The following CCDC146 variants were observed in gnomAD, a reference collection of about 807,000 sequenced individuals.
CCDC146 encodes the protein coiled-coil domain containing 146, also known as coiled-coil domain-containing protein 146.
In CCDC146, 92 loss-of-function variants were observed where a neutral mutation model predicts 119.3. That is an observed-to-expected ratio of 0.77 (90% confidence interval 0.65 to 0.92). The LOEUF (loss-of-function observed/expected upper bound fraction) is 0.92. CCDC146 is among the 40% of genes least tolerant of loss of function. The pLI is 0.00. For synonymous variants in CCDC146, 372 were observed against 371.8 expected (o/e 1.00, Z -0.01); for missense variants, 1,000 against 1,103.0 (o/e 0.91, Z 1.32).
intron 14 of CCDC146, among the ~76,000 whole-genome samples, chr7:77,281,441 C>T (rs1793763006): frequency 6.6e-6 from 1 of 152,212 alleles, no homozygotes. Flanking sequence ...TCAGCAGTTT[C>T]TCCCAAGTTA....
At chr7:77,289,896 A>C (rs1418418275) in intron 17 of CCDC146, among the ~76,000 whole-genome samples, 1 of 152,256 alleles carries the variant, frequency 6.6e-6, no homozygotes, top group Non-Finnish European at 1.5e-5. Flanking sequence ...TACTGGGTAT[A>C]TACCCAAAGG....
chr7:77,207,012 A>T (rs1163501385), intron 2 of CCDC146, among the ~76,000 whole-genome samples: 1 of 152,086 alleles, frequency 6.6e-6, no homozygotes, highest in Non-Finnish European at 1.5e-5. Flanking sequence ...AAGATTCTTA[A>T]CTTTATCTTA....
At chr7:77,181,480 C>A (rs1236847304) in intron 2 of CCDC146, among the ~76,000 whole-genome samples, 2 of 152,168 alleles carry the variant, frequency 1.3e-5, no homozygotes, top group African/African-American at 4.8e-5. Flanking sequence ...AAGGTGTATG[C>A]AGGCCGCGTA....
At chr7:77,146,349 G>A (rs1056145910) in intron 1 of CCDC146, among the ~76,000 whole-genome samples, 1 of 152,030 alleles carries the variant, frequency 6.6e-6, no homozygotes, top group African/African-American at 2.4e-5. Context: ...GCACACCGAT[G>A]AGTCTTGACT....
chr7:77,292,999 GGCTCTTGTT>G lies in CCDC146; in HGVS notation c.2467_2475del (p.Leu823_Ala825del). The stretch of plus-strand genomic sequence containing the variant: ...TCAAAAATGCAACTGAGAAAATGAT[GGCTCTTGTT>G]GCTGAGCTGTCCATGAAACAAGCCC... On this transcript the variant is annotated inframe_deletion, in exon 18 of 19. Coordinates refer to ENST00000285871, the MANE Select transcript of CCDC146 (RefSeq NM_020879.3). The G allele has an allele frequency of 1.9e-6, 3 of 1,613,878 alleles. No individual in the cohort carries two copies. The highest frequency in any genetic ancestry group is 2.5e-6 in the Non-Finnish European group (3 of 1,179,920).
rs558141028 is a variant in CCDC146, at chr7:77,164,113, T to G, written c.-11-3545T>G. 1.1e-4 allele frequency among the ~76,000 whole-genome samples: 17 copies of G among 152,220 alleles called. No homozygotes were observed. The East Asian group carries it at 1.9e-3, about 17-fold the overall frequency. ...CCTGATCTCAGGTAATCCACCTGCC[T>G]CCGTCTCCCAAAGTGCTGAGATTAC... On this transcript the variant is annotated intron_variant, in intron 1 of 18. Transcript: ENST00000285871.
intron 1 of CCDC146, among the ~76,000 whole-genome samples, chr7:77,162,190 C>A (rs998942346): frequency 2.0e-5 from 3 of 152,088 alleles, no homozygotes; most frequent in Admixed American, 6.5e-5. Context: ...GTTGCCCATG[C>A]TTTTGGTGTC....
chr7:77,158,168 G>A (rs907950881), intron 1 of CCDC146, among the ~76,000 whole-genome samples: 2 of 152,056 alleles, frequency 1.3e-5, no homozygotes, highest in Admixed American at 6.5e-5. Context: ...CTCAGCTTAT[G>A]TGACAGAGAA....
chr7:77,264,099 G>A (rs1219899785), intron 9 of CCDC146, among the ~76,000 whole-genome samples: 1 of 151,642 alleles, frequency 6.6e-6, no homozygotes, highest in Non-Finnish European at 1.5e-5. Flanking sequence ...TCATTTTATT[G>A]CAATTCCAAC....
intron 2 of CCDC146, among the ~76,000 whole-genome samples, chr7:77,216,624 C>G (rs1792305943): frequency 6.6e-6 from 1 of 152,130 alleles, no homozygotes; most frequent in African/African-American, 2.4e-5. Context: ...GATAACTCCT[C>G]TCTTAGAATC....
chr7:77,218,276 T>C (rs1453041430), intron 2 of CCDC146, among the ~76,000 whole-genome samples: 1 of 150,434 alleles, frequency 6.6e-6, no homozygotes, highest in African/African-American at 2.4e-5. Context: ...ATTTATAAGG[T>C]TATAATTTAT....
chr7:77,291,565 G>A (rs567044375), intron 17 of CCDC146, among the ~76,000 whole-genome samples: 2 of 152,206 alleles, frequency 1.3e-5, no homozygotes, highest in Non-Finnish European at 2.9e-5. Context: ...ACAAATAGCC[G>A]GGTGTGATGG....
At chr7:77,188,610 G>A (rs1219679118) in intron 2 of CCDC146, among the ~76,000 whole-genome samples, 1 of 151,996 alleles carries the variant, frequency 6.6e-6, no homozygotes, top group Non-Finnish European at 1.5e-5. Flanking sequence ...CTCCTAAGGT[G>A]GTATCTCCAA....
At chr7:77,264,069 T>C (rs1198236944) in intron 9 of CCDC146, among the ~76,000 whole-genome samples, 1 of 152,120 alleles carries the variant, frequency 6.6e-6, no homozygotes, top group Non-Finnish European at 1.5e-5. Context: ...ATATTTATGA[T>C]ATATATACTT....
At chr7:77,177,087 C>G (rs183714153) in intron 2 of CCDC146, among the ~76,000 whole-genome samples, 1 of 152,078 alleles carries the variant, frequency 6.6e-6, no homozygotes, top group South Asian at 2.1e-4. Flanking sequence ...CTACCCACCT[C>G]GGCCTCTCAA....
At chr7:77,223,142 T>C (rs997773918) in intron 2 of CCDC146, among the ~76,000 whole-genome samples, 3 of 151,940 alleles carry the variant, frequency 2.0e-5, no homozygotes, top group Non-Finnish European at 4.4e-5. Flanking sequence ...TGCTACCATC[T>C]CCCCCCAGGA....
chr7:77,191,781 G>A (rs974204550), intron 2 of CCDC146, among the ~76,000 whole-genome samples: 13 of 151,984 alleles, frequency 8.6e-5, no homozygotes, highest in Non-Finnish European at 1.5e-4. Context: ...GTGGTGGCGG[G>A]CACCTGTAGT....
intron 11 of CCDC146, 91 bp downstream of exon 11, chr7:77,274,743 C>A: frequency 3.0e-6 from 3 of 989,322 alleles, no homozygotes; most frequent in Non-Finnish European, 3.0e-6. Context: ...ATGGATGAAG[C>A]TAGAAACCAT....
chr7:77,287,278 G>T, intron 16 of CCDC146, 162 bp from the exon 17 acceptor site: 1 of 676,900 alleles, frequency 1.5e-6, no homozygotes, highest in East Asian at 2.7e-5. Flanking sequence ...AACTCCCAGA[G>T]GTATCTGCAG....
Sources: allele counts gnomAD v4.1 joint callset (sites outside exome capture counted in the v4.1 genomes callset), GRCh38; gene constraint gnomAD v4.1.1; transcripts MANE v1.5; gene names NCBI Gene and HGNC (gene_info 2026-07-23, HGNC 2026-07-21).